Variants in PTPRD observed in about 807,000 individuals in gnomAD.
The protein encoded by PTPRD is protein tyrosine phosphatase receptor type D, also known as receptor-type tyrosine-protein phosphatase delta.
A neutral mutation model predicts 214.5 loss-of-function variants in PTPRD; 34 were observed. The observed-to-expected ratio is 0.16, with a 90% CI of 0.12 to 0.21. The LOEUF (loss-of-function observed/expected upper bound fraction) is 0.21, where lower values mean the gene tolerates loss of function less well. Among genes scored for constraint, PTPRD ranks in the 10% least tolerant of loss-of-function variants. PTPRD has a pLI of 1.00. For missense variants in PTPRD, 2,545 were observed against 2,398.7 expected (o/e 1.06, Z -1.27); for synonymous variants, 1,128 against 845.7 (o/e 1.33, Z -5.79).
chr9:9,430,704 G>C (rs1189553234), intron 8 of PTPRD, among the ~76,000 whole-genome samples: 2 of 152,042 alleles, frequency 1.3e-5, no homozygotes, highest in African/African-American at 2.4e-5. Flanking sequence ...CCAAAAGAGA[G>C]ATACAGACCA....
intron 10 of PTPRD, among the ~76,000 whole-genome samples, chr9:9,168,935 C>T (rs1375339837): frequency 6.6e-6 from 1 of 151,188 alleles, no homozygotes; most frequent in Non-Finnish European, 1.5e-5. Flanking sequence ...TTAATGCTCT[C>T]CTGTCTCTGT....
chr9:10,376,990 G>T (rs774530027), intron 2 of PTPRD, among the ~76,000 whole-genome samples: 13 of 151,788 alleles, frequency 8.6e-5, no homozygotes, highest in Non-Finnish European at 1.6e-4. Context: ...TCAAATACTA[G>T]GTCTTATTCA....
chr9:9,410,241 T>C (rs1472706725), intron 8 of PTPRD, among the ~76,000 whole-genome samples: 1 of 152,202 alleles, frequency 6.6e-6, no homozygotes, highest in South Asian at 2.1e-4. Context: ...TAATGGGTGC[T>C]TGAAATTCAG....
intron 7 of PTPRD, among the ~76,000 whole-genome samples, chr9:9,613,398 T>C (rs982997381): frequency 2.0e-5 from 3 of 152,012 alleles, no homozygotes; most frequent in African/African-American, 7.2e-5. Context: ...GATAATTGCC[T>C]TCACGATCAT....
chr9:8,445,642 G>A (rs943224803), intron 34 of PTPRD, among the ~76,000 whole-genome samples: 1 of 152,134 alleles, frequency 6.6e-6, no homozygotes, highest in Non-Finnish European at 1.5e-5. Context: ...CTATCAGACT[G>A]TTTATCCTGA....
At chr9:9,790,739 G>A (rs978190882) in intron 5 of PTPRD, among the ~76,000 whole-genome samples, 2 of 151,972 alleles carry the variant, frequency 1.3e-5, no homozygotes, top group African/African-American at 2.4e-5. Context: ...TATATTTTTG[G>A]CTATTTTCAT....
intron 3 of PTPRD, among the ~76,000 whole-genome samples, chr9:10,285,161 G>C (rs1342532375): frequency 2.0e-5 from 3 of 152,086 alleles, no homozygotes; most frequent in Non-Finnish European, 4.4e-5. Context: ...AGGGTCCTAA[G>C]TTAAAATGTA....
intron 12 of PTPRD, among the ~76,000 whole-genome samples, chr9:8,650,598 A>G (rs946786387): frequency 6.6e-6 from 1 of 152,016 alleles, no homozygotes; most frequent in African/African-American, 2.4e-5. Flanking sequence ...AAAGTAAAAA[A>G]TAAAGTTGAC....
chr9:9,766,662 G>GT (rs2098709283), intron 6 of PTPRD, 148 bp downstream of exon 6: 1 of 152,000 alleles, frequency 6.6e-6, no homozygotes, highest in Non-Finnish European at 1.5e-5. Context: ...TAATTCTGAT[G>GT]TTTTCTCACT....
intron 2 of PTPRD, among the ~76,000 whole-genome samples, chr9:10,531,662 T>G (rs1412333101): frequency 6.6e-6 from 1 of 152,182 alleles, no homozygotes; most frequent in Admixed American, 6.6e-5. Context: ...TATGGCTGGC[T>G]TTAAGGTGTA....
intron 7 of PTPRD, among the ~76,000 whole-genome samples, chr9:9,692,044 T>C (rs2097281718): frequency 6.6e-6 from 1 of 152,108 alleles, no homozygotes; most frequent in South Asian, 2.1e-4. Context: ...AAGTGAGTAG[T>C]TTGGAAATAT....
chr9:9,799,072 C>G (rs551105619), intron 5 of PTPRD, among the ~76,000 whole-genome samples: 5 of 152,148 alleles, frequency 3.3e-5, no homozygotes, highest in East Asian at 1.9e-4. Context: ...AGAATCAAAA[C>G]TTATATATCT....
At chr9:10,482,228 G>C (rs189380174) in intron 2 of PTPRD, among the ~76,000 whole-genome samples, 1 of 151,796 alleles carries the variant, frequency 6.6e-6, no homozygotes, top group Non-Finnish European at 1.5e-5. Context: ...AAAATTAGCC[G>C]GGCGTGGTGG....
chr9:9,357,697 C>T (rs2054340389), intron 9 of PTPRD, among the ~76,000 whole-genome samples: 2 of 144,996 alleles, frequency 1.4e-5, no homozygotes, highest in Admixed American at 1.4e-4. Flanking sequence ...GGATGTGCTG[C>T]TCAATAGTTT....
At chr9:10,187,622 C>G (rs1207971086) in intron 3 of PTPRD, among the ~76,000 whole-genome samples, 1 of 152,186 alleles carries the variant, frequency 6.6e-6, no homozygotes, top group African/African-American at 2.4e-5. Flanking sequence ...AGGTACATCG[C>G]TCTCCAATAC....
At chr9:9,499,839 A>T (rs1433854516) in intron 8 of PTPRD, among the ~76,000 whole-genome samples, 1 of 152,088 alleles carries the variant, frequency 6.6e-6, no homozygotes, top group African/African-American at 2.4e-5. Flanking sequence ...TAAATAAAAG[A>T]TAAGAGACTA....
intron 3 of PTPRD, among the ~76,000 whole-genome samples, chr9:10,318,180 T>A (rs184825397): frequency 2.0e-3 from 304 of 152,146 alleles, no homozygotes; most frequent in African/African-American, 6.9e-3. Flanking sequence ...TCTGTTTACA[T>A]CCATGAAGAT....
At chr9:8,665,639 C>A (rs1167962941) in intron 12 of PTPRD, among the ~76,000 whole-genome samples, 1 of 152,116 alleles carries the variant, frequency 6.6e-6, no homozygotes, top group East Asian at 1.9e-4. Context: ...CACTTACTGC[C>A]AAATCTGTTT....
intron 10 of PTPRD, among the ~76,000 whole-genome samples, chr9:9,119,745 A>G (rs2099815838): frequency 6.6e-6 from 1 of 151,976 alleles, no homozygotes; most frequent in African/African-American, 2.4e-5. Context: ...GGTGGTCTCG[A>G]ACTTCTGAGC....
Sources: gnomAD v4.1 joint callset for allele counts (sites outside exome capture counted in the v4.1 genomes callset) on GRCh38, gnomAD v4.1.1 for gene constraint, MANE v1.5 for transcripts, NCBI Gene and HGNC (gene_info 2026-07-23, HGNC 2026-07-21) for gene names.